Variants in ADAMTSL1 observed in about 807,000 individuals in gnomAD.
The protein encoded by ADAMTSL1 is ADAMTS like 1.
Under a neutral mutation model 201.8 loss-of-function variants are expected in ADAMTSL1, and 126 were observed. The observed-to-expected ratio is 0.62, with a 90% CI of 0.54 to 0.72. The LOEUF (loss-of-function observed/expected upper bound fraction) is 0.72. Among genes scored for constraint, ADAMTSL1 ranks in the 30% least tolerant of loss-of-function variants. ADAMTSL1 has a pLI of 0.00. For missense variants in ADAMTSL1, 2,679 were observed against 2,277.8 expected (o/e 1.18, Z -3.59); for synonymous variants, 1,121 against 903.4 (o/e 1.24, Z -4.32).
intron 1 of ADAMTSL1, among the ~76,000 whole-genome samples, chr9:18,055,197 T>G (rs1031727898): frequency 1.3e-5 from 2 of 152,230 alleles, no homozygotes; most frequent in African/African-American, 4.8e-5. Context: ...GTGCTCTTTT[T>G]TAGCACCTAT....
chr9:18,261,108 C>A (rs1363206646), intron 2 of ADAMTSL1, among the ~76,000 whole-genome samples: 2 of 148,394 alleles, frequency 1.3e-5, no homozygotes, highest in East Asian at 2.0e-4. Context: ...GATAGAGAGA[C>A]CTGCTGTTTG....
intron 4 of ADAMTSL1, among the ~76,000 whole-genome samples, chr9:18,619,445 G>C (rs1008300635): frequency 6.6e-5 from 10 of 152,072 alleles, no homozygotes; most frequent in Admixed American, 1.3e-4. Flanking sequence ...GGAGATGTTA[G>C]TCTTTTAAAT....
At chr9:18,550,159 A>C (rs1820713017) in intron 3 of ADAMTSL1, among the ~76,000 whole-genome samples, 1 of 152,012 alleles carries the variant, frequency 6.6e-6, no homozygotes, top group Non-Finnish European at 1.5e-5. Context: ...TCTACAGTTA[A>C]TATGGTAACA....
chr9:17,936,814 C>A (rs566731474), intron 1 of ADAMTSL1, among the ~76,000 whole-genome samples: 9 of 152,278 alleles, frequency 5.9e-5, no homozygotes, highest in African/African-American at 2.2e-4. Flanking sequence ...CACAAATAAA[C>A]TTTAAAGTAC....
intron 2 of ADAMTSL1, among the ~76,000 whole-genome samples, chr9:18,514,906 G>C (rs1347949627): frequency 6.6e-6 from 1 of 152,120 alleles, no homozygotes; most frequent in Non-Finnish European, 1.5e-5. Flanking sequence ...GTTAGCTGAG[G>C]ACTTTTCACA....
chr9:18,507,075 T>C (rs1817713921), intron 2 of ADAMTSL1, among the ~76,000 whole-genome samples: 1 of 152,220 alleles, frequency 6.6e-6, no homozygotes, highest in African/African-American at 2.4e-5. Context: ...ATATATATTT[T>C]TAATTGTGAA....
intron 2 of ADAMTSL1, among the ~76,000 whole-genome samples, chr9:18,335,993 G>A (rs1321048977): frequency 1.3e-5 from 2 of 152,084 alleles, no homozygotes; most frequent in Non-Finnish European, 2.9e-5. Flanking sequence ...TTATGGGAGT[G>A]GCATTGAATC....
chr9:18,033,878 AT>A (rs1448807301), intron 1 of ADAMTSL1, among the ~76,000 whole-genome samples: 1 of 152,140 alleles, frequency 6.6e-6, no homozygotes, highest in Non-Finnish European at 1.5e-5. Flanking sequence ...TGTCCAGTAT[AT>A]TTTTGTTGGT....
At chr9:18,710,664 T>TC (rs1832517793) in intron 14 of ADAMTSL1, among the ~76,000 whole-genome samples, 1 of 78,468 alleles carries the variant, frequency 1.3e-5, no homozygotes, top group Admixed American at 1.3e-4. Flanking sequence ...GGCCTAAGTT[T>TC]TGTTTTGTTT....
intron 20 of ADAMTSL1, among the ~76,000 whole-genome samples, chr9:18,804,041 T>A (rs1329414980): frequency 6.6e-6 from 1 of 152,222 alleles, no homozygotes; most frequent in African/African-American, 2.4e-5. Context: ...AGAATAGGAC[T>A]ATGAACCTCT....
intron 14 of ADAMTSL1, among the ~76,000 whole-genome samples, chr9:18,711,994 C>T (rs1327700086): frequency 2.0e-5 from 3 of 152,190 alleles, no homozygotes; most frequent in Admixed American, 1.3e-4. Context: ...CAGACTGACA[C>T]CTCACACGGC....
At chr9:18,153,228 G>T (rs951365748) in intron 1 of ADAMTSL1, among the ~76,000 whole-genome samples, 1 of 151,912 alleles carries the variant, frequency 6.6e-6, no homozygotes, top group Non-Finnish European at 1.5e-5. Flanking sequence ...TAGAGACACT[G>T]GAGCCATGGA....
chr9:18,221,191 G>GT (rs373237658), intron 2 of ADAMTSL1, among the ~76,000 whole-genome samples: 11 of 152,224 alleles, frequency 7.2e-5, no homozygotes, highest in African/African-American at 2.6e-4. Flanking sequence ...TCACTGTTTA[G>GT]TTTTTTGGTT....
At chr9:17,998,933 T>G (rs561663018) in intron 1 of ADAMTSL1, among the ~76,000 whole-genome samples, 1 of 152,100 alleles carries the variant, frequency 6.6e-6, no homozygotes, top group South Asian at 2.1e-4. Flanking sequence ...ATCAAGTCAA[T>G]GTAATTCATT....
At chr9:18,906,028 A>T (rs1205325633) in intron 27 of ADAMTSL1, 137 bp downstream of exon 27, 11 of 742,132 alleles carry the variant, frequency 1.5e-5, no homozygotes, top group Non-Finnish European at 2.2e-5. Context: ...CATTCACCGC[A>T]AGCCACTGGC....
intron 1 of ADAMTSL1, among the ~76,000 whole-genome samples, chr9:17,955,621 A>T (rs2131384193): frequency 6.6e-6 from 1 of 152,226 alleles, no homozygotes; most frequent in Admixed American, 6.5e-5. Flanking sequence ...CCTTTGTCCT[A>T]CCCAGGACAT....
At chr9:18,889,111 T>C (rs926889903) in intron 24 of ADAMTSL1, among the ~76,000 whole-genome samples, 3 of 152,228 alleles carry the variant, frequency 2.0e-5, no homozygotes, top group African/African-American at 7.2e-5. Context: ...GGGTAACATT[T>C]GCAAAGTCCA....
intron 2 of ADAMTSL1, among the ~76,000 whole-genome samples, chr9:18,388,447 C>A (rs1301251588): frequency 1.3e-5 from 2 of 151,632 alleles, no homozygotes; most frequent in Non-Finnish European, 2.9e-5. Flanking sequence ...CTAATTTTTG[C>A]ATTTTCTGTA....
chr9:18,820,976 A>G (rs955362059), intron 21 of ADAMTSL1, among the ~76,000 whole-genome samples: 1 of 152,238 alleles, frequency 6.6e-6, no homozygotes, highest in Non-Finnish European at 1.5e-5. Context: ...TGGCTATAAT[A>G]TCAAGAGCAG....
Sources: gnomAD v4.1 joint callset for allele counts (sites outside exome capture counted in the v4.1 genomes callset) on GRCh38, gnomAD v4.1.1 for gene constraint, MANE v1.5 for transcripts, NCBI Gene and HGNC (gene_info 2026-07-23, HGNC 2026-07-21) for gene names.